The following SNX29 variants were observed in gnomAD, a reference collection of about 807,000 sequenced individuals.
SNX29 encodes sorting nexin-29.
Under a neutral mutation model 102.1 loss-of-function variants are expected in SNX29, and 78 were observed. The observed-to-expected ratio is 0.76, with a 90% confidence interval of 0.64 to 0.92. The LOEUF is 0.92. Among genes scored for constraint, SNX29 ranks in the 40% least tolerant of loss-of-function variants. SNX29 has a pLI of 0.00. For missense variants in SNX29, 1,280 were observed against 1,061.7 expected, an observed-to-expected ratio of 1.21 and a Z score of -2.86; for synonymous variants, 580 against 414.5, an observed-to-expected ratio of 1.40 and a Z score of -4.85.
chr16:12,538,736 A>G (rs1015139040), intron 20 of SNX29, among the ~76,000 whole-genome samples: 1 of 152,210 alleles, frequency 6.6e-6, no homozygotes, highest in Non-Finnish European at 1.5e-5. Context: ...AGACAGGAGA[A>G]GCACACCCAT....
At chr16:12,557,841 A>C (rs561342552) in intron 20 of SNX29, 1 of 152,266 alleles carries the variant, frequency 6.6e-6, no homozygotes, top group African/African-American at 2.4e-5. Context: ...AACATCATCA[A>C]TGTGACATGA....
intron 13 of SNX29, among the ~76,000 whole-genome samples, chr16:12,137,992 G>A (rs191026505): frequency 7.2e-5 from 11 of 152,284 alleles, no homozygotes; most frequent in Non-Finnish European, 1.5e-5. Context: ...GGCTGAGAAG[G>A]ACTGGAGTGC....
chr16:11,998,805 T>C (rs2056180149), intron 1 of SNX29, among the ~76,000 whole-genome samples: 1 of 152,214 alleles, frequency 6.6e-6, no homozygotes, highest in Non-Finnish European at 1.5e-5. Flanking sequence ...ACAGCTTGGA[T>C]TGCTGAAGGT....
At chr16:12,533,835 G>C (rs79151115) in intron 20 of SNX29, among the ~76,000 whole-genome samples, 3,127 of 152,300 alleles carry the variant, frequency 0.021, 105 homozygotes, top group African/African-American at 0.072. Flanking sequence ...TCACCAGGCT[G>C]ATTCCTGTTA....
At chr16:12,561,763 A>G (rs952110436) in intron 20 of SNX29, among the ~76,000 whole-genome samples, 3 of 152,046 alleles carry the variant, frequency 2.0e-5, no homozygotes, top group Non-Finnish European at 2.9e-5. Flanking sequence ...TGAAATGAAC[A>G]CCAAAGCACA....
chr16:12,071,273 G>C (rs544511780), intron 10 of SNX29, among the ~76,000 whole-genome samples: 5 of 152,162 alleles, frequency 3.3e-5, no homozygotes, highest in Non-Finnish European at 7.3e-5. Context: ...GTAATGCCTA[G>C]GTTTTCTTAT....
intron 20 of SNX29, among the ~76,000 whole-genome samples, chr16:12,544,281 C>T (rs540878462): frequency 1.3e-5 from 2 of 152,170 alleles, no homozygotes; most frequent in African/African-American, 4.8e-5. Flanking sequence ...TTTACACTCT[C>T]AGTACGGCAT....
intron 15 of SNX29, among the ~76,000 whole-genome samples, chr16:12,288,340 C>A (rs1182374734): frequency 6.6e-6 from 1 of 152,168 alleles, no homozygotes; most frequent in Non-Finnish European, 1.5e-5. Context: ...AAAGTTAATA[C>A]TTCCTCTCTA....
At chr16:12,513,924 C>T (rs534604968) in intron 19 of SNX29, among the ~76,000 whole-genome samples, 126 of 152,320 alleles carry the variant, frequency 8.3e-4, no homozygotes, top group African/African-American at 2.8e-3. Flanking sequence ...CTCTCGTCAG[C>T]TTCCCAATTA....
chr16:12,368,046 C>G (rs999917385), intron 16 of SNX29, among the ~76,000 whole-genome samples: 9 of 152,234 alleles, frequency 5.9e-5, no homozygotes, highest in African/African-American at 2.2e-4. Flanking sequence ...CCTTGCTGTT[C>G]ATGCAGGTGC....
Position 12,398,464 on chromosome 16 carries a change from C to CA in SNX29, c.1921dup (p.Thr641AsnfsTer11). 6.2e-7 allele frequency: 1 copy of CA among 1,614,002 alleles called. No homozygotes were observed. Among genetic ancestry groups the CA allele is most frequent in the Non-Finnish European group, 8.5e-7 (1 of 1,179,888 alleles). ...ATGGTAGGTGCCTGGAGATTTGAGT[C>CA]AAACGTCCGAAGACCAGAGTTTGTC... On this transcript the variant is annotated frameshift_variant, in exon 17 of 21. Transcript: ENST00000566228. LOFTEE classifies it high-confidence loss of function.
At chr16:12,504,566 G>A (rs950438030) in intron 19 of SNX29, among the ~76,000 whole-genome samples, 1 of 152,190 alleles carries the variant, frequency 6.6e-6, no homozygotes, top group African/African-American at 2.4e-5. Flanking sequence ...GCATGTATCA[G>A]TGCAGTAACC....
chr16:12,444,752 C>T (rs545663480), intron 18 of SNX29, among the ~76,000 whole-genome samples: 2 of 152,204 alleles, frequency 1.3e-5, no homozygotes, highest in East Asian at 3.9e-4. Flanking sequence ...AGGTCATATT[C>T]ATCACATCTC....
intron 19 of SNX29, among the ~76,000 whole-genome samples, chr16:12,480,699 C>G (rs1048956148): frequency 5.3e-5 from 8 of 152,142 alleles, no homozygotes; most frequent in African/African-American, 1.7e-4. Flanking sequence ...CCCAGTTACA[C>G]AAAACTTAAG....
chr16:12,195,548 C>G (rs187510019), intron 13 of SNX29, among the ~76,000 whole-genome samples: 4 of 152,324 alleles, frequency 2.6e-5, no homozygotes, highest in East Asian at 1.9e-4. Flanking sequence ...TCCTTAGCCT[C>G]TCTTAGCAAA....
At chr16:12,251,387 T>C (rs1433106732) in intron 14 of SNX29, among the ~76,000 whole-genome samples, 1 of 152,172 alleles carries the variant, frequency 6.6e-6, no homozygotes, top group Non-Finnish European at 1.5e-5. Context: ...ACCTTACCTT[T>C]ATGATGCACA....
At chr16:12,541,493 C>T (rs1392499576) in intron 20 of SNX29, among the ~76,000 whole-genome samples, 1 of 152,158 alleles carries the variant, frequency 6.6e-6, no homozygotes, top group Non-Finnish European at 1.5e-5. Context: ...ACCCAGACCT[C>T]TGTGATCTGA....
intron 16 of SNX29, among the ~76,000 whole-genome samples, chr16:12,393,826 G>A (rs2083624371): frequency 1.3e-5 from 2 of 152,254 alleles, no homozygotes; most frequent in Admixed American, 1.3e-4. Context: ...TTCAGCACAT[G>A]CTGGCCTCTC....
At position 12,569,730 on chromosome 16, in the gene SNX29, C is replaced by G. The variant is rs1025412904; in HGVS notation, c.*1101C>G. On this transcript the variant is annotated 3_prime_UTR_variant, in exon 21 of 21. Coordinates refer to ENST00000566228, the MANE Select transcript of SNX29 (RefSeq NM_032167.5). ...AGGATGGGGACCAGCAGCTGGGCAG[C>G]CCCCAGGGCTCCTCCTCCAGTGAGC... 1 of 230,090 alleles carries G rather than the reference C, an allele frequency of 4.3e-6. No homozygotes were observed. Among genetic ancestry groups the G allele is most frequent in the African/African-American group, 2.2e-5 (1 of 45,142 alleles). 14.3% of individuals were successfully genotyped at this position (230,090 alleles called of 1,614,324 possible). A position where few individuals can be genotyped will look rare whatever the true frequency, so the allele number is the denominator to read the frequency against.
Sources: gnomAD v4.1 joint callset for allele counts (sites outside exome capture counted in the v4.1 genomes callset) on GRCh38, gnomAD v4.1.1 for gene constraint, MANE v1.5 for transcripts, NCBI Gene and HGNC (gene_info 2026-07-23, HGNC 2026-07-21) for gene names.